DNAL1: variants seen among roughly 807,000 people sequenced by gnomAD.
The protein encoded by DNAL1 is dynein axonemal light chain 1, also known as chromosome 14 open reading frame 168.
DNAL1 carries 17 observed loss-of-function variants against 29.4 expected under a neutral mutation model. The ratio of observed to expected loss-of-function variants is 0.58; its 90% CI spans 0.40 to 0.87. The LOEUF (loss-of-function observed/expected upper bound fraction) is 0.87, where lower values mean the gene tolerates loss of function less well. Ranked by LOEUF, DNAL1 falls within the 40% of genes least tolerant of loss-of-function variation. The pLI is 0.00. For missense variants in DNAL1, 188 were observed against 214.1 expected, an observed-to-expected ratio of 0.88 and a Z score of 0.76; for synonymous variants, 78 against 76.3, an observed-to-expected ratio of 1.02 and a Z score of -0.12.
At chr14:73,682,724 A>G (rs901973496) in intron 5 of DNAL1, among the ~76,000 whole-genome samples, 9 of 152,046 alleles carry the variant, frequency 5.9e-5, no homozygotes, top group Admixed American at 2.0e-4. Context: ...CCCAGAGTCA[A>G]TATCACTGTC....
intron 6 of DNAL1, 38 bp from the exon 7 acceptor site, chr14:73,689,337 T>C: frequency 1.9e-6 from 3 of 1,549,254 alleles, no homozygotes; most frequent in Non-Finnish European, 2.6e-6. Flanking sequence ...CGGCCAAAAC[T>C]TAGTGTTTTA....
intron 2 of DNAL1, among the ~76,000 whole-genome samples, chr14:73,657,509 C>T (rs944480215): frequency 1.3e-5 from 2 of 152,294 alleles, no homozygotes; most frequent in African/African-American, 2.4e-5. Flanking sequence ...TGAGTTCCTG[C>T]GTCAGATGAA....
chr14:73,677,884 T>TTGTGTGTGTGTGTGTGTGTGTGTG (rs566825653), intron 5 of DNAL1, among the ~76,000 whole-genome samples: 1 of 96,130 alleles, frequency 1.0e-5, no homozygotes, highest in Non-Finnish European at 2.2e-5. Context: ...ATATATATAT[T>TTGTGTGTGTGTGTGTGTGTGTGTG]TGTGTGTGTG....
At chr14:73,670,775 C>T (rs985249212) in intron 4 of DNAL1, among the ~76,000 whole-genome samples, 7 of 150,818 alleles carry the variant, frequency 4.6e-5, no homozygotes, top group South Asian at 2.1e-4. Flanking sequence ...CTCGCTCTGT[C>T]GCCCAGGCTG....
intron 3 of DNAL1, chr14:73,659,749 A>G (rs1891302913): frequency 6.6e-6 from 1 of 152,134 alleles, no homozygotes; most frequent in Non-Finnish European, 1.5e-5. Context: ...CTACATGCCT[A>G]AGAGATACCC....
At chr14:73,662,207 A>C (rs1246626342) in intron 4 of DNAL1, among the ~76,000 whole-genome samples, 165 bp downstream of exon 4, 2 of 152,160 alleles carry the variant, frequency 1.3e-5, no homozygotes, top group Non-Finnish European at 2.9e-5. Context: ...CCAAAGAAAA[A>C]TAGAGATAGC....
intron 7 of DNAL1, 76 bp downstream of exon 7, chr14:73,689,591 G>T: frequency 1.3e-6 from 2 of 1,545,276 alleles, no homozygotes; most frequent in Non-Finnish European, 1.8e-6. Context: ...TCATGAAGAG[G>T]AGAAAAACTA....
intron 4 of DNAL1, among the ~76,000 whole-genome samples, chr14:73,665,061 C>T (rs542677571): frequency 6.6e-6 from 1 of 152,020 alleles, no homozygotes; most frequent in South Asian, 2.1e-4. Flanking sequence ...TAGAATTGTG[C>T]CTGGTGCATA....
chr14:73,664,969 A>G (rs1009926282), intron 4 of DNAL1, among the ~76,000 whole-genome samples: 5 of 152,200 alleles, frequency 3.3e-5, no homozygotes, highest in Admixed American at 1.3e-4. Flanking sequence ...GGAAATATTC[A>G]TAACAGTCTA....
In DNAL1 at chr14:73,700,472, T is replaced by C. The variant is rs1424762497; in HGVS notation, c.*4530T>C. On this transcript the variant is annotated 3_prime_UTR_variant, in exon 8 of 8. Transcript: ENST00000553645. Reference sequence around the variant, plus strand: ...AGAATAAGGAAGAATAAGAAATGAATCTTGACTGTTGACTTATTCTGAGAA... The same window carrying C: ...AGAATAAGGAAGAATAAGAAATGAACCTTGACTGTTGACTTATTCTGAGAA... The C allele has an allele frequency of 6.6e-6, 1 of 152,196 alleles. No individual in the cohort carries two copies. Among genetic ancestry groups the C allele is most frequent in the East Asian group, 1.9e-4 (1 of 5,200 alleles). The allele number at this position is 152,196 out of a possible 1,614,324, so 9.4% of individuals were successfully genotyped here.
chr14:73,695,302 C>A (rs1357702156), intron 7 of DNAL1, among the ~76,000 whole-genome samples: 1 of 151,960 alleles, frequency 6.6e-6, no homozygotes, highest in Non-Finnish European at 1.5e-5. Context: ...AAGCGCTTCT[C>A]TCATCTGGCC....
intron 7 of DNAL1, among the ~76,000 whole-genome samples, chr14:73,692,584 A>AGGAGGC (rs1295158962): frequency 2.0e-5 from 3 of 151,036 alleles, no homozygotes; most frequent in African/African-American, 7.3e-5. Flanking sequence ...GCTTGAACCC[A>AGGAGGC]GGAGGCGGAG....
intron 5 of DNAL1, among the ~76,000 whole-genome samples, chr14:73,675,278 G>A (rs1384890798): frequency 1.3e-5 from 2 of 151,288 alleles, no homozygotes; most frequent in Non-Finnish European, 2.9e-5. Flanking sequence ...CTTAGAGACA[G>A]GTTCTCACTC....
chr14:73,668,982 C>T (rs148471944), intron 4 of DNAL1, among the ~76,000 whole-genome samples: 24 of 151,992 alleles, frequency 1.6e-4, no homozygotes, highest in Non-Finnish European at 3.1e-4. Flanking sequence ...TGGCCCCTCC[C>T]TCTCTCTGTA....
intron 2 of DNAL1, 81 bp downstream of exon 2, chr14:73,654,966 A>G (rs1891182039): frequency 8.1e-6 from 11 of 1,362,206 alleles, no homozygotes; most frequent in Non-Finnish European, 1.1e-5. Context: ...GCTATTTAAT[A>G]CAAAGGATCC....
At chr14:73,681,736 AG>A (rs1311170048) in intron 5 of DNAL1, among the ~76,000 whole-genome samples, 1 of 148,334 alleles carries the variant, frequency 6.7e-6, no homozygotes, top group Non-Finnish European at 1.5e-5. Flanking sequence ...TAGAGTTTGC[AG>A]TGAGCTCTGA....
chr14:73,655,025 T>C (rs1259483657), intron 2 of DNAL1, 140 bp downstream of exon 2: 3 of 825,186 alleles, frequency 3.6e-6, no homozygotes, highest in African/African-American at 3.5e-5. Flanking sequence ...GGTGGATGCA[T>C]GAACTTACAC....
At chr14:73,667,054 C>T (rs1372557675) in intron 4 of DNAL1, among the ~76,000 whole-genome samples, 1 of 151,994 alleles carries the variant, frequency 6.6e-6, no homozygotes, top group Non-Finnish European at 1.5e-5. Context: ...GATCTCTAGC[C>T]CAACTGTGTC....
chr14:73,656,261 A>T (rs1595202994), intron 2 of DNAL1, among the ~76,000 whole-genome samples: 1 of 152,248 alleles, frequency 6.6e-6, no homozygotes, highest in Admixed American at 6.5e-5. Flanking sequence ...GTTTTGTTAA[A>T]TATTTAATGA....
Sources: allele counts gnomAD v4.1 joint callset (sites outside exome capture counted in the v4.1 genomes callset), GRCh38; gene constraint gnomAD v4.1.1; transcripts MANE v1.5; gene names NCBI Gene and HGNC (gene_info 2026-07-23, HGNC 2026-07-21).